The following RIMS2 variants were observed in gnomAD, a reference collection of about 807,000 sequenced individuals.
RIMS2 encodes the protein regulating synaptic membrane exocytosis 2, also known as regulating synaptic membrane exocytosis protein 2.
A neutral mutation model predicts 174.4 loss-of-function variants in RIMS2; 59 were observed. The observed-to-expected ratio is 0.34, with a 90% CI of 0.27 to 0.42. The LOEUF is 0.42. Ranked by LOEUF, RIMS2 falls within the 10% of genes least tolerant of loss-of-function variation. The pLI, the probability that RIMS2 is intolerant of heterozygous loss-of-function variation, is 1.00. For missense variants in RIMS2, 1,620 were observed against 1,666.3 expected, an observed-to-expected ratio of 0.97 and a Z score of 0.48; for synonymous variants, 606 against 572.5, an observed-to-expected ratio of 1.06 and a Z score of -0.84.
intron 17 of RIMS2, among the ~76,000 whole-genome samples, chr8:103,989,873 T>C (rs991162461): frequency 3.3e-5 from 5 of 152,192 alleles, no homozygotes; most frequent in Admixed American, 1.3e-4. Flanking sequence ...CTGATTTGTT[T>C]AGGAAACATT....
At chr8:103,897,751 C>G (rs1026445198) in intron 4 of RIMS2, among the ~76,000 whole-genome samples, 1 of 151,644 alleles carries the variant, frequency 6.6e-6, no homozygotes, top group Non-Finnish European at 1.5e-5. Flanking sequence ...TGTTCCAGAA[C>G]AAGTGTGTAC....
At chr8:104,227,789 A>G (rs2099197557) in intron 19 of RIMS2, among the ~76,000 whole-genome samples, 1 of 152,158 alleles carries the variant, frequency 6.6e-6, no homozygotes, top group Admixed American at 6.5e-5. Flanking sequence ...TATCAGCTTA[A>G]TACTATAAAA....
chr8:104,192,512 A>G (rs1454590066), intron 19 of RIMS2, among the ~76,000 whole-genome samples: 1 of 152,138 alleles, frequency 6.6e-6, no homozygotes, highest in Non-Finnish European at 1.5e-5. Context: ...CTGGAGATAA[A>G]AATTTTTATT....
chr8:103,811,260 G>C (rs578047862), intron 3 of RIMS2, among the ~76,000 whole-genome samples: 1 of 152,036 alleles, frequency 6.6e-6, no homozygotes, highest in Admixed American at 6.6e-5. Flanking sequence ...AACGCTAAAA[G>C]GATTTTCCAA....
chr8:103,912,337 A>G (rs911631538), intron 6 of RIMS2, among the ~76,000 whole-genome samples, 165 bp downstream of exon 9: 1 of 152,156 alleles, frequency 6.6e-6, no homozygotes, highest in Non-Finnish European at 1.5e-5. Flanking sequence ...TTTTCCCACT[A>G]TTATTTAAGA....
chr8:103,828,220 A>G (rs1451226611), intron 3 of RIMS2, among the ~76,000 whole-genome samples: 1 of 152,080 alleles, frequency 6.6e-6, no homozygotes, highest in Non-Finnish European at 1.5e-5. Flanking sequence ...TGAGTTTGGC[A>G]TTTACTTTTT....
At chr8:103,556,665 G>A (rs1850593272) in intron 1 of RIMS2, among the ~76,000 whole-genome samples, 2 of 152,114 alleles carry the variant, frequency 1.3e-5, no homozygotes, top group Admixed American at 6.6e-5. Context: ...ATAGAACTCA[G>A]AGAGTATTTT....
At chr8:103,805,746 G>T (rs2098645790) in intron 3 of RIMS2, among the ~76,000 whole-genome samples, 1 of 151,440 alleles carries the variant, frequency 6.6e-6, no homozygotes, top group Admixed American at 6.6e-5. Flanking sequence ...CTATTTCTTA[G>T]AGCTAGTTTT....
At chr8:103,572,505 A>G (rs549691763) in intron 1 of RIMS2, among the ~76,000 whole-genome samples, 34 of 152,138 alleles carry the variant, frequency 2.2e-4, no homozygotes, top group African/African-American at 7.7e-4. Flanking sequence ...GAACTAATGG[A>G]CATTCACACC....
chr8:103,765,349 T>C (rs1185786763), intron 2 of RIMS2, among the ~76,000 whole-genome samples: 1 of 152,084 alleles, frequency 6.6e-6, no homozygotes, highest in Non-Finnish European at 1.5e-5. Context: ...AAATTGAGTA[T>C]AGAATAGTTG....
intron 1 of RIMS2, among the ~76,000 whole-genome samples, chr8:103,649,648 C>T (rs112291189): frequency 2.0e-4 from 28 of 143,406 alleles, no homozygotes; most frequent in Non-Finnish European, 3.4e-4. Context: ...CCTTTTCATT[C>T]TTTTTTTTTT....
At chr8:103,534,833 A>G (rs1839050152) in intron 1 of RIMS2, among the ~76,000 whole-genome samples, 1 of 152,144 alleles carries the variant, frequency 6.6e-6, no homozygotes, top group African/African-American at 2.4e-5. Flanking sequence ...AGCACTACAC[A>G]TTATCCTTAA....
intron 19 of RIMS2, among the ~76,000 whole-genome samples, chr8:104,021,923 G>A (rs1169618988): frequency 6.6e-6 from 1 of 152,102 alleles, no homozygotes; most frequent in South Asian, 2.1e-4. Context: ...TGATTGGTCG[G>A]GGATGAAATT....
chr8:103,503,731 T>A (rs1442133004), intron 1 of RIMS2, among the ~76,000 whole-genome samples: 3 of 152,020 alleles, frequency 2.0e-5, no homozygotes, highest in Non-Finnish European at 4.4e-5. Flanking sequence ...TAAGTATTCA[T>A]GCAAAGTGGA....
chr8:103,501,890 C>T (rs1211326497), intron 1 of RIMS2, among the ~76,000 whole-genome samples: 1 of 151,628 alleles, frequency 6.6e-6, no homozygotes, highest in Admixed American at 6.5e-5. Context: ...ATGCGTTTAC[C>T]GGCTCTGGAA....
intron 2 of RIMS2, among the ~76,000 whole-genome samples, chr8:103,722,489 C>T (rs895506971): frequency 1.3e-5 from 2 of 152,048 alleles, no homozygotes; most frequent in African/African-American, 4.8e-5. Flanking sequence ...TTATAAGCAG[C>T]ACGCAACCTA....
At chr8:103,575,623 A>C (rs968889290) in intron 1 of RIMS2, among the ~76,000 whole-genome samples, 1 of 149,088 alleles carries the variant, frequency 6.7e-6, no homozygotes, top group African/African-American at 2.4e-5. Context: ...GTATTTATAT[A>C]ATATATATTT....
rs57373743 is a variant in RIMS2, at chr8:104,190,935, GTT to G, written c.3335-53970_3335-53969del. 3.1e-3 allele frequency among the ~76,000 whole-genome samples: 454 copies of G among 144,524 alleles called. 1 individual carries two copies. Among genetic ancestry groups the G allele is most frequent in the African/African-American group, 0.01 (408 of 39,436 alleles). 94.8% of individuals were successfully genotyped at this position (144,524 alleles called of 152,430 possible). A position where few individuals can be genotyped will look rare whatever the true frequency, so the allele number is the denominator to read the frequency against. On this transcript the variant is annotated intron_variant, in intron 19 of 23. Coordinates refer to ENST00000504942, the Ensembl canonical transcript of RIMS2. ...ACAAATTTAATTCTTCTCTTTTTTT[GTT>G]TTTTTTTTTTGTTTGCTTCAATCTC...
intron 19 of RIMS2, among the ~76,000 whole-genome samples, chr8:104,187,827 TTG>T (rs1024687554): frequency 6.6e-6 from 1 of 151,788 alleles, no homozygotes; most frequent in Non-Finnish European, 1.5e-5. Context: ...TTTTTCAAGC[TTG>T]GTATAAAAAA....
Sources: gnomAD v4.1 joint callset for allele counts (sites outside exome capture counted in the v4.1 genomes callset) on GRCh38, gnomAD v4.1.1 for gene constraint, MANE v1.5 for transcripts, NCBI Gene and HGNC (gene_info 2026-07-23, HGNC 2026-07-21) for gene names.